The following CDH20 variants were observed in gnomAD, a reference collection of about 807,000 sequenced individuals.
CDH20 encodes the protein cadherin 20.
Under a neutral mutation model 74.2 loss-of-function variants are expected in CDH20, and 29 were observed. The observed-to-expected ratio is 0.39, with a 90% confidence interval of 0.29 to 0.53. CDH20 has a LOEUF of 0.53. CDH20 is among the 20% of genes least tolerant of loss of function. The pLI, the probability that CDH20 is intolerant of heterozygous loss-of-function variation, is 0.69. For synonymous variants in CDH20, 469 were observed against 405.4 expected, an observed-to-expected ratio of 1.16 and a Z score of -1.88; for missense variants, 988 against 1,048.3, an observed-to-expected ratio of 0.94 and a Z score of 0.79.
chr18:61,549,120 A>G (rs989100963), intron 10 of CDH20, among the ~76,000 whole-genome samples: 1 of 152,250 alleles, frequency 6.6e-6, no homozygotes, highest in Non-Finnish European at 1.5e-5. Context: ...TTGCAAAAGT[A>G]TATCTACTTT....
rs1431705325 is a variant in CDH20, at chr18:61,428,341, C to T, written c.-152-62061C>T. Reference sequence around the variant, plus strand: ...AATATTACTACCAAAGAAGTGTAGGCGGCCCCAGATGTCTCATGTGTGCTC... The same window carrying T: ...AATATTACTACCAAAGAAGTGTAGGTGGCCCCAGATGTCTCATGTGTGCTC... On this transcript the variant is annotated intron_variant, in intron 1 of 11. Coordinates refer to ENST00000262717, the MANE Select transcript of CDH20 (RefSeq NM_031891.4). Among the ~76,000 whole-genome samples the T allele has an allele frequency of 2.6e-5, 4 of 152,278 alleles. No individual in the cohort carries two copies. The East Asian group carries it at 7.7e-4, about 29-fold the overall frequency.
chr18:61,370,713 T>G (rs1035697187), intron 1 of CDH20, among the ~76,000 whole-genome samples: 1 of 152,118 alleles, frequency 6.6e-6, no homozygotes, highest in Non-Finnish European at 1.5e-5. Flanking sequence ...GTAGTCTGAT[T>G]GCTGTAAACT....
At chr18:61,369,110 C>T (rs1466935302) in intron 1 of CDH20, among the ~76,000 whole-genome samples, 1 of 151,788 alleles carries the variant, frequency 6.6e-6, no homozygotes, top group Non-Finnish European at 1.5e-5. Context: ...AGAAGCAGCA[C>T]CACTTATTAT....
intron 2 of CDH20, among the ~76,000 whole-genome samples, chr18:61,495,322 G>A (rs1175459425): frequency 6.6e-6 from 1 of 152,224 alleles, no homozygotes; most frequent in Non-Finnish European, 1.5e-5. Flanking sequence ...TTCTACGGCT[G>A]GTAAAGCGGA....
intron 6 of CDH20, among the ~76,000 whole-genome samples, chr18:61,508,668 A>G (rs1911668816): frequency 1.3e-5 from 2 of 152,256 alleles, no homozygotes; most frequent in East Asian, 1.9e-4. Context: ...ACAGAGTCTC[A>G]CTTTGTCACC....
rs74655258 is a variant in CDH20 at position 61,503,701 on chromosome 18, A to C, written c.829+581A>C. Reference sequence around the variant, plus strand: ...CTGTCTCTGCCCTTGTGAAGCTTCAAATCCACTTGGGAGGACACATCCTAC... The same window carrying C: ...CTGTCTCTGCCCTTGTGAAGCTTCACATCCACTTGGGAGGACACATCCTAC... On this transcript the variant is annotated intron_variant, in intron 5 of 11. Coordinates refer to ENST00000262717, the MANE Select transcript of CDH20 (RefSeq NM_031891.4). Among the ~76,000 whole-genome samples the C allele has an allele frequency of 3.0e-3, 460 of 152,328 alleles. 1 individual carries two copies. Among genetic ancestry groups the C allele is most frequent in the African/African-American group, 0.01 (435 of 41,562 alleles).
At chr18:61,357,620 C>T (rs747708421) in intron 1 of CDH20, among the ~76,000 whole-genome samples, 1 of 152,172 alleles carries the variant, frequency 6.6e-6, no homozygotes, top group Non-Finnish European at 1.5e-5. Context: ...GTATTGCATG[C>T]CAGCCAAGTG....
At chr18:61,437,799 G>T (rs1816134459) in intron 1 of CDH20, among the ~76,000 whole-genome samples, 1 of 152,058 alleles carries the variant, frequency 6.6e-6, no homozygotes, top group Non-Finnish European at 1.5e-5. Flanking sequence ...CAAATTCTAT[G>T]ATTCCATAAA....
chr18:61,463,593 C>G (rs1223474415), intron 1 of CDH20, among the ~76,000 whole-genome samples: 1 of 152,132 alleles, frequency 6.6e-6, no homozygotes, highest in Admixed American at 6.5e-5. Flanking sequence ...CTTCTCTTCT[C>G]TTTGGGAGGC....
chr18:61,339,164 TTTTTC>T (rs1401429626), intron 1 of CDH20, among the ~76,000 whole-genome samples: 1 of 152,076 alleles, frequency 6.6e-6, no homozygotes, highest in African/African-American at 2.4e-5. Context: ...TTAATGGGTT[TTTTTC>T]TTAAGTTTTA....
At chr18:61,377,484 T>C (rs796523390) in intron 1 of CDH20, among the ~76,000 whole-genome samples, 9 of 151,818 alleles carry the variant, frequency 5.9e-5, no homozygotes, top group African/African-American at 2.2e-4. Context: ...GCCAGCCTCT[T>C]AGCCTTCCTT....
intron 1 of CDH20, among the ~76,000 whole-genome samples, chr18:61,374,928 G>A (rs1036602612): frequency 2.4e-4 from 36 of 152,122 alleles, no homozygotes; most frequent in Non-Finnish European, 4.6e-4. Context: ...CTCTAAAGAG[G>A]TTATTTTATT....
intron 1 of CDH20, among the ~76,000 whole-genome samples, chr18:61,438,569 A>G (rs1908914680): frequency 6.6e-6 from 1 of 152,170 alleles, no homozygotes; most frequent in Non-Finnish European, 1.5e-5. Flanking sequence ...ATCTCATGCC[A>G]GTCAGAATGG....
chr18:61,454,435 G>T (rs1555677851), intron 1 of CDH20, among the ~76,000 whole-genome samples: 1 of 152,164 alleles, frequency 6.6e-6, no homozygotes, highest in Non-Finnish European at 1.5e-5. Flanking sequence ...AATGAAAAGG[G>T]AGGAATAAAA....
rs9958238 is a variant in CDH20 at position 61,354,997 on chromosome 18, G to C, written c.-153+21170G>C. ...TGTGCTTAGGCGCTGGCCTTAACTG[G>C]TACTGTCCGAGGCTGACCAGGAGAG... On this transcript the variant is annotated intron_variant, in intron 1 of 11. Coordinates refer to ENST00000262717, the MANE Select transcript of CDH20 (RefSeq NM_031891.4). Among the ~76,000 whole-genome samples the C allele has an allele frequency of 7.9e-3, 1,209 of 152,310 alleles. 22 individuals carry two copies. The highest frequency in any genetic ancestry group is 0.028 in the African/African-American group (1,149 of 41,570).
At chr18:61,518,548 T>A (rs1356866502) in intron 6 of CDH20, among the ~76,000 whole-genome samples, 3 of 151,168 alleles carry the variant, frequency 2.0e-5, no homozygotes, top group Admixed American at 6.6e-5. Flanking sequence ...GAATGAAAAC[T>A]AACAAACAGA....
At chr18:61,544,325 T>C (rs778262453) in intron 9 of CDH20, among the ~76,000 whole-genome samples, 23 of 152,212 alleles carry the variant, frequency 1.5e-4, no homozygotes, top group Admixed American at 1.4e-3. Context: ...GTGTGCTCAC[T>C]CTCAGCTACG....
At chr18:61,413,274 A>G (rs534054346) in intron 1 of CDH20, among the ~76,000 whole-genome samples, 86 of 152,290 alleles carry the variant, frequency 5.6e-4, no homozygotes, top group African/African-American at 1.9e-3. Flanking sequence ...CAGTCTTCAC[A>G]CTAGGGGTTT....
intron 1 of CDH20, among the ~76,000 whole-genome samples, chr18:61,434,143 C>T (rs1007014478): frequency 6.6e-6 from 1 of 152,018 alleles, no homozygotes. Context: ...ACATAGCATT[C>T]TATATGAAAA....
Sources: allele counts gnomAD v4.1 joint callset (sites outside exome capture counted in the v4.1 genomes callset), GRCh38; gene constraint gnomAD v4.1.1; transcripts MANE v1.5; gene names NCBI Gene and HGNC (gene_info 2026-07-23, HGNC 2026-07-21).